Variants in N4BP2 observed in about 807,000 individuals in gnomAD.
N4BP2 encodes the protein NEDD4 binding protein 2, also known as NEDD4-binding protein 2.
N4BP2 carries 91 observed loss-of-function variants against 152.8 expected under a neutral mutation model. That is an observed-to-expected ratio of 0.60 (90% confidence interval 0.50 to 0.71). The LOEUF (loss-of-function observed/expected upper bound fraction) is 0.71, where lower values mean the gene tolerates loss of function less well. N4BP2 is among the 30% of genes least tolerant of loss of function. The probability of loss-of-function intolerance (pLI) is 0.00; values close to 1 mark genes in which losing one functional copy is unlikely to be tolerated. For synonymous variants in N4BP2, 646 were observed against 705.3 expected (o/e 0.92, Z 1.33); for missense variants, 1,923 against 2,059.1 (o/e 0.93, Z 1.28).
In N4BP2 at chr4:40,120,888, C is replaced by T; in HGVS notation, c.2777C>T (p.Ala926Val). ...ATGAATGAAATATCCTTATCTACAGCACATGAGGCCTGTTGGGGCACAAGC... is the reference window on the plus strand; with the variant it reads ...ATGAATGAAATATCCTTATCTACAGTACATGAGGCCTGTTGGGGCACAAGC... ...DKMNEISLST[A>V]HEACWGTSSQ... Residue 926 changes from alanine to valine, a missense_variant, in exon 9 of 18, where the codon GCA (alanine) becomes GTA (valine). Transcript: ENST00000261435. The T allele has an allele frequency of 6.2e-7, 1 of 1,614,018 alleles. No homozygotes were observed. Among genetic ancestry groups the T allele is most frequent in the African/African-American group, 1.3e-5 (1 of 75,036 alleles).
At chr4:40,169,700 C>G in the N4BP2 span, among the ~76,000 whole-genome samples, 2 of 148,188 alleles carry the variant, frequency 1.3e-5, no homozygotes, top group Non-Finnish European at 3.0e-5. Context: ...TGTGGTGGCT[C>G]TCGCTTGTAA....
the N4BP2 span, among the ~76,000 whole-genome samples, chr4:40,177,474 C>T: frequency 3.3e-5 from 5 of 151,874 alleles, no homozygotes; most frequent in Admixed American, 6.6e-5. Flanking sequence ...AAATTAGCTG[C>T]GCATGGTGGC....
intron 4 of N4BP2, among the ~76,000 whole-genome samples, chr4:40,105,867 A>G (rs941092427): frequency 1.8e-4 from 27 of 152,284 alleles, no homozygotes; most frequent in Non-Finnish European, 2.9e-4. Context: ...GAATTTTTAA[A>G]GATAGCTGAG....
At chr4:40,067,356 C>CT (rs34777132) in intron 1 of N4BP2, among the ~76,000 whole-genome samples, 34 of 145,634 alleles carry the variant, frequency 2.3e-4, no homozygotes, top group South Asian at 6.5e-4. Context: ...GCCTGGCCTC[C>CT]TTTTTTTTTT....
At chr4:40,130,009 T>C (rs970029876) in intron 12 of N4BP2, among the ~76,000 whole-genome samples, 4 of 152,202 alleles carry the variant, frequency 2.6e-5, no homozygotes, top group Middle Eastern at 3.2e-3. Flanking sequence ...TTAGTAAGTT[T>C]AGATTACATG....
chr4:40,167,270 C>G, the N4BP2 span: 2 of 152,046 alleles, frequency 1.3e-5, no homozygotes, highest in Non-Finnish European at 2.9e-5. Flanking sequence ...AGAGAAAAGC[C>G]AGATTTAATA....
intron 2 of N4BP2, among the ~76,000 whole-genome samples, chr4:40,078,346 C>T (rs904010513): frequency 6.6e-6 from 1 of 151,866 alleles, no homozygotes; most frequent in African/African-American, 2.4e-5. Context: ...CCATGTTGGC[C>T]AGGCAGGTCT....
chr4:40,081,704 A>AAT (rs1713386425), intron 2 of N4BP2, among the ~76,000 whole-genome samples: 7 of 151,680 alleles, frequency 4.6e-5, no homozygotes, highest in Non-Finnish European at 1.0e-4. Context: ...GGCTGGGCAC[A>AAT]GTGGCTCATG....
rs185306691 is a variant in N4BP2 at position 40,157,554 on chromosome 4, T to C, written c.*3317T>C. ...TCAGGAAATTGCTCTGACAATGTTT[T>C]AACTGCTCTCAATTTAAGAAAATGA... is the stretch of plus-strand genomic sequence containing the variant. On this transcript the variant is annotated 3_prime_UTR_variant, in exon 18 of 18. Transcript: ENST00000261435. The C allele has an allele frequency of 6.6e-6, 1 of 152,292 alleles. No homozygotes were observed. Among genetic ancestry groups the C allele is most frequent in the East Asian group, 1.9e-4 (1 of 5,188 alleles). 9.4% of individuals were successfully genotyped at this position (152,292 alleles called of 1,614,324 possible).
At chr4:40,100,130 G>C in intron 3 of N4BP2, 1 of 452,494 alleles carries the variant, frequency 2.2e-6, no homozygotes, top group Non-Finnish European at 4.4e-6. Flanking sequence ...CTATGAGGTA[G>C]GTGCTTTTAT....
chr4:40,098,072 CAG>C (rs1715266290), intron 3 of N4BP2, among the ~76,000 whole-genome samples: 1 of 152,308 alleles, frequency 6.6e-6, no homozygotes, highest in Middle Eastern at 3.4e-3. Context: ...TCCATAAAGA[CAG>C]AGTTTTTAAA....
intron 2 of N4BP2, among the ~76,000 whole-genome samples, chr4:40,080,899 C>G (rs970889527): frequency 6.7e-6 from 1 of 149,748 alleles, no homozygotes; most frequent in African/African-American, 2.5e-5. Flanking sequence ...ATCTCCTGAT[C>G]TCGTGATCCG....
the N4BP2 span, among the ~76,000 whole-genome samples, chr4:40,187,571 T>G: frequency 6.6e-6 from 1 of 152,170 alleles, no homozygotes; most frequent in South Asian, 2.1e-4. Flanking sequence ...CCTCCCACCT[T>G]GGCCTCCCAA....
intron 8 of N4BP2, among the ~76,000 whole-genome samples, chr4:40,118,523 G>C (rs1194548688): frequency 1.2e-4 from 19 of 152,174 alleles, no homozygotes; most frequent in Admixed American, 1.2e-3. Context: ...TAGTTATCAA[G>C]AGAAGTACAA....
chr4:40,058,263 A>G (rs1361332961), intron 1 of N4BP2, among the ~76,000 whole-genome samples: 1 of 152,148 alleles, frequency 6.6e-6, no homozygotes, highest in African/African-American at 2.4e-5. Context: ...TTTAATTTTA[A>G]CTAAAAGACG....
intron 2 of N4BP2, among the ~76,000 whole-genome samples, chr4:40,090,951 A>AGTTG (rs1259221368): frequency 7.1e-5 from 2 of 28,080 alleles, no homozygotes; most frequent in African/African-American, 2.3e-4. Context: ...AAAAAAAAAA[A>AGTTG]AAGTTTATAA....
intron 2 of N4BP2, among the ~76,000 whole-genome samples, chr4:40,095,611 G>A (rs1357882296): frequency 6.6e-6 from 1 of 152,126 alleles, no homozygotes; most frequent in Admixed American, 6.6e-5. Flanking sequence ...TAATTAAAAG[G>A]TAAATTTTAT....
rs754664344 is a variant in N4BP2, at chr4:40,102,962, T to C, written c.1117T>C (p.Phe373Leu). 6.2e-7 allele frequency: 1 copy of C among 1,614,188 alleles called. No homozygotes were observed. Among genetic ancestry groups the C allele is most frequent in the Non-Finnish European group, 8.5e-7 (1 of 1,180,032 alleles). Residue 373 changes from phenylalanine (F) to leucine (L), a missense_variant, in exon 4 of 18, where the codon TTC (phenylalanine) becomes CTC (leucine). Phe to Leu is a conservative substitution (Grantham distance 22). Transcript: ENST00000261435. ...TCCAATGATTCCTGCTTTTGACCTC[T>C]TCCAAGGAAACCATGGCTTTGTAGC... Reference protein sequence around the residue: ...WNPMIPAFDLFQGNHGFVAPV... With the variant: ...WNPMIPAFDLLQGNHGFVAPV...
downstream of N4BP2, among the ~76,000 whole-genome samples, chr4:40,161,962 C>G (rs1721871594): frequency 6.6e-6 from 1 of 152,158 alleles, no homozygotes; most frequent in South Asian, 2.1e-4. Context: ...ACAGCTGTCT[C>G]TTAACCATTC....
Sources: gnomAD v4.1 joint callset for allele counts (sites outside exome capture counted in the v4.1 genomes callset) on GRCh38, gnomAD v4.1.1 for gene constraint, MANE v1.5 for transcripts, NCBI Gene and HGNC (gene_info 2026-07-23, HGNC 2026-07-21) for gene names.